PLCE1: variants seen among roughly 807,000 people sequenced by gnomAD.
PLCE1 encodes phospholipase C epsilon 1, also known as 1-phosphatidylinositol 4,5-bisphosphate phosphodiesterase epsilon-1.
PLCE1 carries 119 observed loss-of-function variants against 242.8 expected under a neutral mutation model. The observed-to-expected ratio is 0.49, with a 90% CI of 0.42 to 0.57. PLCE1 has a LOEUF of 0.57. Among genes scored for constraint, PLCE1 ranks in the 20% least tolerant of loss-of-function variants. The pLI, the probability that PLCE1 is intolerant of heterozygous loss-of-function variation, is 0.00. For missense variants in PLCE1, 2,441 were observed against 2,788.8 expected (o/e 0.88, Z 2.81); for synonymous variants, 945 against 1,017.4 (o/e 0.93, Z 1.35).
In PLCE1 at chr10:94,140,981, A is replaced by G. The variant is rs145777871; in HGVS notation, c.1492+8522A>G. Reference sequence around the variant, plus strand: ...GGCACCTAAGAATGGAGAAGATCACATCTGGAAGTCTTCAACTTGTAAGAT... The same window carrying G: ...GGCACCTAAGAATGGAGAAGATCACGTCTGGAAGTCTTCAACTTGTAAGAT... On this transcript the variant is annotated intron_variant, in intron 3 of 32. Coordinates refer to ENST00000371380, the MANE Select transcript of PLCE1 (RefSeq NM_016341.4). Among the ~76,000 whole-genome samples the G allele has an allele frequency of 1.1e-3, 170 of 152,386 alleles. 2 individuals are homozygous for G. The East Asian group carries it at 0.026, about 23-fold the overall frequency.
At chr10:94,102,521 G>A (rs189763521) in intron 2 of PLCE1, among the ~76,000 whole-genome samples, 4 of 152,304 alleles carry the variant, frequency 2.6e-5, no homozygotes, top group Non-Finnish European at 5.9e-5. Context: ...CAATGTGTCT[G>A]CCATCTGCCT....
chr10:94,069,561 C>G (rs1177151912), intron 2 of PLCE1, among the ~76,000 whole-genome samples: 1 of 152,008 alleles, frequency 6.6e-6, no homozygotes, highest in Admixed American at 6.6e-5. Flanking sequence ...TGCAGTGAGC[C>G]GAGAACACAC....
chr10:94,265,540 A>G, intron 14 of PLCE1, 107 bp from the exon 15 acceptor site: 1 of 957,222 alleles, frequency 1.0e-6, no homozygotes, highest in Non-Finnish European at 1.7e-6. Flanking sequence ...TTTGGTTTAG[A>G]TGTTTCCTGA....
At chr10:94,321,772 T>C (rs1306082481) in intron 29 of PLCE1, 129 bp from the exon 30 acceptor site, 6 of 676,140 alleles carry the variant, frequency 8.9e-6, no homozygotes, top group Non-Finnish European at 1.5e-5. Context: ...AATAATAACA[T>C]AGTATATGAG....
At chr10:94,141,579 G>GGA (rs1491484531) in intron 3 of PLCE1, among the ~76,000 whole-genome samples, 11 of 109,410 alleles carry the variant, frequency 1.0e-4, no homozygotes, top group African/African-American at 2.8e-4. Flanking sequence ...CTAAGGGAAG[G>GGA]TGAAGGGAAG....
intron 2 of PLCE1, among the ~76,000 whole-genome samples, chr10:94,039,085 C>T (rs558591645): frequency 5.3e-4 from 81 of 152,296 alleles, no homozygotes; most frequent in African/African-American, 1.9e-3. Flanking sequence ...CTTTTCACTG[C>T]TGAATAATAT....
chr10:94,003,112 G>A (rs920445155), intron 1 of PLCE1, among the ~76,000 whole-genome samples: 1 of 152,132 alleles, frequency 6.6e-6, no homozygotes, highest in Non-Finnish European at 1.5e-5. Flanking sequence ...TCTAGGTAGA[G>A]AATTATATTA....
At chr10:94,242,522 G>A (rs1443007847) in intron 7 of PLCE1, among the ~76,000 whole-genome samples, 1 of 152,090 alleles carries the variant, frequency 6.6e-6, no homozygotes, top group East Asian at 1.9e-4. Context: ...TGTTCGCCAG[G>A]CTGGTCTTGA....
intron 21 of PLCE1, among the ~76,000 whole-genome samples, chr10:94,284,174 A>AGGCAGACAT (rs753622144): frequency 3.6e-4 from 55 of 152,356 alleles, no homozygotes; most frequent in Non-Finnish European, 6.8e-4. Flanking sequence ...TTAGTGATGA[A>AGGCAGACAT]GGCAGACATG....
At chr10:94,245,333 G>A (rs898859060) in intron 7 of PLCE1, among the ~76,000 whole-genome samples, 9 of 152,106 alleles carry the variant, frequency 5.9e-5, no homozygotes, top group Admixed American at 2.0e-4. Flanking sequence ...TATTTAACAC[G>A]GTTCCTGACA....
At chr10:94,035,020 T>G (rs1327138707) in intron 2 of PLCE1, among the ~76,000 whole-genome samples, 1 of 152,128 alleles carries the variant, frequency 6.6e-6, no homozygotes, top group Non-Finnish European at 1.5e-5. Flanking sequence ...TTTCTGTGTC[T>G]CTTGACCTGA....
chr10:94,024,530 T>G (rs766592981), intron 1 of PLCE1, among the ~76,000 whole-genome samples: 2 of 152,170 alleles, frequency 1.3e-5, no homozygotes, highest in Non-Finnish European at 2.9e-5. Flanking sequence ...TACCTTACTA[T>G]AAAGTCCTAG....
chr10:94,277,790 A>C (rs1278984279), intron 19 of PLCE1, among the ~76,000 whole-genome samples: 1 of 152,166 alleles, frequency 6.6e-6, no homozygotes, highest in Non-Finnish European at 1.5e-5. Flanking sequence ...CAGGGGAAAA[A>C]AATTTCCTGG....
intron 4 of PLCE1, among the ~76,000 whole-genome samples, chr10:94,223,640 A>G (rs1400328882): frequency 6.6e-6 from 1 of 152,130 alleles, no homozygotes; most frequent in Admixed American, 6.5e-5. Context: ...AGTTGTGGGC[A>G]TGGTCCAGGG....
intron 14 of PLCE1, among the ~76,000 whole-genome samples, chr10:94,263,847 A>G (rs2051406009): frequency 6.6e-6 from 1 of 152,168 alleles, no homozygotes. Context: ...ATTATTACAT[A>G]TTAATGTAGG....
Position 94,265,805 on chromosome 10 carries a change from T to C in PLCE1, c.4128T>C (p.Asp1376=), listed in dbSNP as rs745827830. The change falls in exon 16 of 33, where the codon GAT becomes GAC. Residue 1376 remains aspartate (D), a synonymous_variant. Transcript: ENST00000371380. ...TTGTTTCACCTAGGTTTCTGATGGA[T>C]AAAGAAAATTTTGCCTCAAAAAATG... ...SFEGFARFLM[D]KENFASKNDE... is the part of the protein sequence containing the mutation. 1 of 1,614,044 alleles carries C rather than the reference T, an allele frequency of 6.2e-7. No individual in the cohort carries two copies.
intron 2 of PLCE1, among the ~76,000 whole-genome samples, chr10:94,053,116 T>G (rs2043808450): frequency 6.6e-6 from 1 of 152,222 alleles, no homozygotes; most frequent in Non-Finnish European, 1.5e-5. Context: ...GGCAGCCTAG[T>G]GAGCAGTTAA....
At chr10:94,036,961 G>GA (rs1039022560) in intron 2 of PLCE1, among the ~76,000 whole-genome samples, 3 of 150,936 alleles carry the variant, frequency 2.0e-5, no homozygotes, top group South Asian at 4.2e-4. Flanking sequence ...TGACAAAATA[G>GA]AAAAAAAACT....
Position 94,270,746 on chromosome 10 carries a change from T to C in PLCE1, c.4506+144T>C. ...GTGCAGTGGTGCAGTCTTGGCTCACTGCAACCTCTGCCTCTGAGGTTCAAG... is the reference window on the plus strand; with the variant it reads ...GTGCAGTGGTGCAGTCTTGGCTCACCGCAACCTCTGCCTCTGAGGTTCAAG... On this transcript the variant is annotated intron_variant, in intron 18 of 32. Coordinates refer to ENST00000371380, the MANE Select transcript of PLCE1 (RefSeq NM_016341.4). The C allele has an allele frequency of 9.7e-6, 7 of 724,910 alleles. No individual in the cohort carries two copies. In the South Asian group the frequency reaches 9.8e-5, roughly 10 times the overall value. 44.9% of individuals were successfully genotyped at this position (724,910 alleles called of 1,614,324 possible). A position where few individuals can be genotyped will look rare whatever the true frequency, so the allele number is the denominator to read the frequency against.
Sources: allele counts gnomAD v4.1 joint callset (sites outside exome capture counted in the v4.1 genomes callset), GRCh38; gene constraint gnomAD v4.1.1; transcripts MANE v1.5; gene names NCBI Gene and HGNC (gene_info 2026-07-23, HGNC 2026-07-21).